Variants in EYA3 observed in about 807,000 individuals in gnomAD.
EYA3 encodes EYA transcriptional coactivator and phosphatase 3.
In EYA3, 39 loss-of-function variants were observed where a neutral mutation model predicts 80.0. The observed-to-expected ratio is 0.49, with a 90% confidence interval of 0.38 to 0.64. The LOEUF (loss-of-function observed/expected upper bound fraction) is 0.64, where lower values mean the gene tolerates loss of function less well. Ranked by LOEUF, EYA3 falls within the 30% of genes least tolerant of loss-of-function variation. The pLI is 0.00. For missense variants in EYA3, 523 were observed against 676.1 expected, an observed-to-expected ratio of 0.77 and a Z score of 2.51; for synonymous variants, 206 against 232.8, an observed-to-expected ratio of 0.88 and a Z score of 1.05.
chr1:27,970,915 A>T lies in EYA3; in HGVS notation c.*3551T>A, dbSNP rs1638702312. ...TCCCCTGTGGTTCAGTGACACTGAC[A>T]ACCATTCAAGGTAGTAAACATCTAG... On this transcript the variant is annotated 3_prime_UTR_variant, in exon 18 of 18. Coordinates refer to ENST00000373871, the MANE Select transcript of EYA3 (RefSeq NM_001990.4). 1 of 152,246 alleles carries T rather than the reference A, an allele frequency of 6.6e-6. No individual in the cohort carries two copies. Among genetic ancestry groups the T allele is most frequent in the African/African-American group, 2.4e-5 (1 of 41,448 alleles). 9.4% of individuals were successfully genotyped at this position (152,246 alleles called of 1,614,324 possible). A position where few individuals can be genotyped will look rare whatever the true frequency, so the allele number is the denominator to read the frequency against.
chr1:28,050,954 A>C (rs941180579), intron 2 of EYA3, among the ~76,000 whole-genome samples: 1 of 152,246 alleles, frequency 6.6e-6, no homozygotes, highest in African/African-American at 2.4e-5. Context: ...GTAACATAGT[A>C]CTTGCAATAA....
At position 28,058,027 on chromosome 1, in the gene EYA3, G is replaced by A; in HGVS notation, c.-1C>T. The A allele has an allele frequency of 1.3e-6, 2 of 1,587,714 alleles. No homozygotes were observed. The highest frequency in any genetic ancestry group is 1.7e-6 in the Non-Finnish European group (2 of 1,163,270). On this transcript the variant is annotated 5_prime_UTR_variant, in exon 2 of 18. Transcript: ENST00000373871. ...CTGGTAAATCTTGCTCTTCTTCCAT[G>A]AGGACCAATATTTCTTTATTATACT... is the stretch of plus-strand genomic sequence containing the variant.
intron 1 of EYA3, among the ~76,000 whole-genome samples, chr1:28,073,121 ATATATAT>A (rs1465773409): frequency 2.2e-5 from 1 of 45,802 alleles, no homozygotes; most frequent in East Asian, 8.4e-4. Context: ...ATATATATAT[ATATATAT>A]TTTTTTTTTT....
chr1:28,068,334 C>CAAA (rs34643708), intron 1 of EYA3, among the ~76,000 whole-genome samples: 1 of 130,738 alleles, frequency 7.6e-6, no homozygotes, highest in African/African-American at 2.8e-5. Context: ...ACTCCCATCT[C>CAAA]AAAAAAAAAA....
intron 1 of EYA3, among the ~76,000 whole-genome samples, chr1:28,064,095 AG>A: frequency 6.6e-6 from 1 of 152,360 alleles, no homozygotes; most frequent in Non-Finnish European, 1.5e-5. Context: ...TTGGTATACA[AG>A]AAAAACAAAA....
intron 11 of EYA3, among the ~76,000 whole-genome samples, chr1:28,003,230 A>C (rs1001536223): frequency 1.3e-5 from 2 of 152,012 alleles, no homozygotes; most frequent in African/African-American, 4.8e-5. Flanking sequence ...AGATCACGCC[A>C]TTGCACTCCA....
At chr1:28,051,458 C>A (rs1227540635) in intron 2 of EYA3, among the ~76,000 whole-genome samples, 3 of 152,106 alleles carry the variant, frequency 2.0e-5, no homozygotes, top group Non-Finnish European at 4.4e-5. Context: ...GAGGCCAAGG[C>A]AGGTGGATCA....
intron 1 of EYA3, among the ~76,000 whole-genome samples, chr1:28,064,142 T>C (rs1350470284): frequency 6.6e-6 from 1 of 152,164 alleles, no homozygotes; most frequent in Non-Finnish European, 1.5e-5. Flanking sequence ...ACTTTAAATA[T>C]TAATATGTGC....
intron 3 of EYA3, among the ~76,000 whole-genome samples, chr1:28,045,090 G>C (rs1643953593): frequency 6.6e-6 from 1 of 152,226 alleles, no homozygotes. Flanking sequence ...TATTTTGAAT[G>C]TTCAAATAAT....
chr1:27,991,262 A>C (rs1571730948), intron 14 of EYA3, among the ~76,000 whole-genome samples: 1 of 152,346 alleles, frequency 6.6e-6, no homozygotes, highest in East Asian at 1.9e-4. Context: ...TTTGGTCTTA[A>C]GAAGTCTTTC....
In EYA3 at chr1:28,009,574, C is replaced by T. The variant is rs1008462622; in HGVS notation, c.909+1373G>A. Among the ~76,000 whole-genome samples, 6 of 151,970 alleles carry T rather than the reference C, an allele frequency of 3.9e-5. No individual in the cohort carries two copies. The highest frequency in any genetic ancestry group is 9.7e-5 in the African/African-American group (4 of 41,366). On this transcript the variant is annotated intron_variant, in intron 10 of 17. Coordinates refer to ENST00000373871, the MANE Select transcript of EYA3 (RefSeq NM_001990.4). This position sits in a 1 kb window ranked among gnomAD's most constrained non-coding sequence, Gnocchi z 4.8. ...CTGAGGCAGGAGAATCACTTGAACC[C>T]GGGAGGCAGAGGTCACGGTAAGCCG...
intron 7 of EYA3, among the ~76,000 whole-genome samples, chr1:28,018,001 C>A (rs932640803): frequency 6.6e-6 from 1 of 151,944 alleles, no homozygotes; most frequent in African/African-American, 2.4e-5. Flanking sequence ...TTGAGACCAG[C>A]CTTGCCAACG....
At chr1:28,059,795 A>C (rs562821885) in intron 1 of EYA3, among the ~76,000 whole-genome samples, 54 of 150,008 alleles carry the variant, frequency 3.6e-4, no homozygotes, top group South Asian at 6.3e-4. Context: ...ATCTCGGCTA[A>C]CTGCAACCTC....
chr1:28,035,478 G>A (rs1643395507), intron 6 of EYA3, 66 bp downstream of exon 6: 1 of 1,567,478 alleles, frequency 6.4e-7, no homozygotes, highest in Non-Finnish European at 8.7e-7. Context: ...ATGATGCATG[G>A]CTGATCAAAG....
chr1:28,084,554 AAAATATATAT>A (rs1182394234), intron 1 of EYA3, among the ~76,000 whole-genome samples: 49 of 58,068 alleles, frequency 8.4e-4, no homozygotes, highest in African/African-American at 3.4e-3. Context: ...TGACTATTCC[AAAATATATAT>A]ATATATATAT....
At chr1:28,002,801 G>A (rs1270973453) in intron 11 of EYA3, among the ~76,000 whole-genome samples, 1 of 151,404 alleles carries the variant, frequency 6.6e-6, no homozygotes, top group Non-Finnish European at 1.5e-5. Context: ...GACAGAGCGA[G>A]ATATTATCTC....
chr1:28,016,095 T>C (rs1332388965), intron 8 of EYA3, among the ~76,000 whole-genome samples: 1 of 152,022 alleles, frequency 6.6e-6, no homozygotes, highest in African/African-American at 2.4e-5. Context: ...GATGAAGTAA[T>C]TAACATGTGG....
rs760184937 is a variant in EYA3 at position 27,978,419 on chromosome 1, A to G, written c.1596T>C (p.Tyr532=). The change falls in exon 17 of 18, where the codon TAT becomes TAC. Residue 532 remains tyrosine (Y), a synonymous_variant. Coordinates refer to ENST00000373871, the MANE Select transcript of EYA3 (RefSeq NM_001990.4). ...CATCTCGTCCATCTCCAATCACTAC[A>G]TATGTGACTTTCTTTCCAAACCTTG... ...IVSRFGKKVT[Y]VVIGDGRDEE... is the part of the protein sequence containing the mutation. The G allele has an allele frequency of 1.2e-6, 2 of 1,614,124 alleles. No homozygotes were observed. The highest frequency in any genetic ancestry group is 3.3e-5 in the Admixed American group (2 of 60,016).
At chr1:28,032,266 A>G (rs1046243476) in intron 6 of EYA3, 1 of 152,222 alleles carries the variant, frequency 6.6e-6, no homozygotes, top group Non-Finnish European at 1.5e-5. Context: ...TTAATAATAC[A>G]CTGTTTTCTC....
Sources: gnomAD v4.1 joint callset for allele counts (sites outside exome capture counted in the v4.1 genomes callset) on GRCh38, gnomAD v4.1.1 for gene constraint, Gnocchi (gnomAD v3.1) non-coding constraint, MANE v1.5 for transcripts, NCBI Gene and HGNC (gene_info 2026-07-23, HGNC 2026-07-21) for gene names.